The following LAMC3 variants were observed in gnomAD, a reference collection of about 807,000 sequenced individuals.
LAMC3 encodes the protein laminin subunit gamma 3, also known as laminin subunit gamma-3.
Under a neutral mutation model 173.8 loss-of-function variants are expected in LAMC3, and 128 were observed. The observed-to-expected ratio is 0.74, with a 90% CI of 0.64 to 0.85. The LOEUF is 0.85. Among genes scored for constraint, LAMC3 ranks in the 40% least tolerant of loss-of-function variants. The pLI, the probability that LAMC3 is intolerant of heterozygous loss-of-function variation, is 0.00. For synonymous variants in LAMC3, 897 were observed against 909.1 expected (o/e 0.99, Z 0.24); for missense variants, 2,022 against 2,156.0 (o/e 0.94, Z 1.23).
intron 22 of LAMC3, among the ~76,000 whole-genome samples, chr9:131,078,443 C>T (rs1241637741): frequency 1.3e-5 from 2 of 152,130 alleles, no homozygotes; most frequent in Non-Finnish European, 2.9e-5. Context: ...TGAGATTGCG[C>T]CACTGCACTC....
chr9:131,059,062 G>A (rs1294565866), intron 12 of LAMC3, among the ~76,000 whole-genome samples: 1 of 152,052 alleles, frequency 6.6e-6, no homozygotes, highest in Admixed American at 6.5e-5. Flanking sequence ...GCCAGGTGTG[G>A]TTAGGTGCCT....
chr9:131,071,755 G>A lies in LAMC3; in HGVS notation c.3211+130G>A, dbSNP rs190677296. On this transcript the variant is annotated intron_variant, in intron 18 of 27. Coordinates refer to ENST00000361069, the MANE Select transcript of LAMC3 (RefSeq NM_006059.4). ...GTTGCCATGGGCCTTTACTTCCCTA[G>A]CCCACCTGTAACTTTATTAATATCA... 1.6e-4 allele frequency: 139 copies of A among 866,586 alleles called. No homozygotes were observed. In the African/African-American group the frequency reaches 2.2e-3, roughly 14 times the overall value. 53.7% of individuals were successfully genotyped at this position (866,586 alleles called of 1,614,324 possible). A position where few individuals can be genotyped will look rare whatever the true frequency, so the allele number is the denominator to read the frequency against.
chr9:131,081,861 G>C (rs1830248587), intron 23 of LAMC3, among the ~76,000 whole-genome samples, 198 bp from the exon 24 acceptor site: 1 of 152,212 alleles, frequency 6.6e-6, no homozygotes, highest in Admixed American at 6.5e-5. Context: ...TTGTGGACAG[G>C]TATCTCTTGG....
Position 131,052,659 on chromosome 9 carries a change from C to T in LAMC3, c.1799C>T (p.Pro600Leu), listed in dbSNP as rs540108540. The change falls in exon 10 of 28, where the codon CCC becomes CTC. Residue 600 changes from proline to leucine, a missense_variant. Transcript: ENST00000361069. ...TCTGGCCCCCAGGATGCCGGGCATC[C>T]CAGGGAGGTAGAGCTCAGGTTCCAG... is the stretch of plus-strand genomic sequence containing the variant. ...SLSGPQDAGH[P>L]REVELRFHLQ... The T allele has an allele frequency of 1.2e-6, 2 of 1,613,738 alleles. No homozygotes were observed. The highest frequency in any genetic ancestry group is 2.2e-5 in the East Asian group (1 of 44,868).
At chr9:131,061,813 G>A (rs569203640) in intron 13 of LAMC3, among the ~76,000 whole-genome samples, 5 of 152,246 alleles carry the variant, frequency 3.3e-5, no homozygotes, top group East Asian at 1.9e-4. Context: ...ACTTTGGGAA[G>A]CCAAGGTGGG....
In LAMC3 at chr9:131,071,793, A is replaced by T. The variant is rs7875478; in HGVS notation, c.3211+168A>T. On this transcript the variant is annotated intron_variant, in intron 18 of 27. Transcript: ENST00000361069. Reference sequence around the variant, plus strand: ...TTTATTAATATCAGTCCTTGTCACCATGCCTCTGCCCTACTCAGACTCTAA... The same window carrying T: ...TTTATTAATATCAGTCCTTGTCACCTTGCCTCTGCCCTACTCAGACTCTAA... 0.12 allele frequency among the ~76,000 whole-genome samples: 17,504 copies of T among 152,112 alleles called. 1,046 individuals carry two copies. The highest frequency in any genetic ancestry group is 0.16 in the South Asian group (751 of 4,826).
intron 2 of LAMC3, among the ~76,000 whole-genome samples, chr9:131,027,932 G>A (rs993321120): frequency 2.6e-5 from 4 of 152,240 alleles, no homozygotes; most frequent in Admixed American, 6.5e-5. Flanking sequence ...CTGTGTCCAC[G>A]TTGCTGTGTG....
chr9:131,025,103 A>G (rs1833693093), intron 1 of LAMC3, among the ~76,000 whole-genome samples: 1 of 152,096 alleles, frequency 6.6e-6, no homozygotes, highest in East Asian at 1.9e-4. Flanking sequence ...TGTAGAAGCC[A>G]GATACTTCCC....
intron 11 of LAMC3, among the ~76,000 whole-genome samples, chr9:131,053,615 A>G (rs1834341039): frequency 6.6e-6 from 1 of 152,200 alleles, no homozygotes; most frequent in Admixed American, 6.5e-5. Flanking sequence ...CGAGTGGATC[A>G]TGAAGTCGGG....
At position 131,068,190 on chromosome 9, in the gene LAMC3, C is replaced by T; in HGVS notation, c.2706C>T (p.Tyr902=). Residue 902 remains tyrosine, a synonymous_variant, in exon 15 of 28, where the codon TAC becomes TAT. Transcript: ENST00000361069. ...CTGCACGGGACTGCAGCCGCTGCTA[C>T]CCTGGCTTCTTCGACCTCCAGCCTG... is the stretch of plus-strand genomic sequence containing the variant. The part of the protein sequence containing the change: ...HVTARDCSRC[Y]PGFFDLQPGR... 1 of 1,612,782 alleles carries T rather than the reference C, an allele frequency of 6.2e-7. No individual in the cohort carries two copies. The highest frequency in any genetic ancestry group is 1.1e-5 in the South Asian group (1 of 91,084).
intron 25 of LAMC3, among the ~76,000 whole-genome samples, chr9:131,086,740 A>T (rs2133351576): frequency 6.6e-6 from 1 of 151,792 alleles, no homozygotes; most frequent in South Asian, 2.1e-4. Context: ...ATACAAAAAA[A>T]TTAGCCGGGC....
chr9:131,041,362 G>C (rs1834052139), intron 6 of LAMC3, among the ~76,000 whole-genome samples: 1 of 16,118 alleles, frequency 6.2e-5, no homozygotes, highest in East Asian at 1.1e-3. Flanking sequence ...GTGTGACTCT[G>C]TCCCAAAAAA....
In LAMC3 at chr9:131,039,218, G is replaced by T; in HGVS notation, c.1253G>T (p.Gly418Val). 1 of 1,606,864 alleles carries T rather than the reference G, an allele frequency of 6.2e-7. No homozygotes were observed. Among genetic ancestry groups the T allele is most frequent in the Non-Finnish European group, 8.5e-7 (1 of 1,179,976 alleles). ...TGGAAGTGTGACCGCTGTCTGCCCG[G>T]GTTCCACTCGCTCAGTGAGGGAGGC... is the stretch of plus-strand genomic sequence containing the variant. ...TGWKCDRCLPGFHSLSEGGCR... is the reference protein window; with the variant it reads ...TGWKCDRCLPVFHSLSEGGCR... The change falls in exon 6 of 28, where the codon GGG (glycine) becomes GTG (valine). Residue 418 changes from glycine (G) to valine (V), a missense_variant. Gly to Val is a moderately radical substitution (Grantham distance 109, BLOSUM62 -3). Coordinates refer to ENST00000361069, the MANE Select transcript of LAMC3 (RefSeq NM_006059.4).
chr9:131,093,682 T>A lies in LAMC3; in HGVS notation c.*1895T>A, dbSNP rs1038614602. 6.6e-6 allele frequency: 1 copy of A among 152,068 alleles called. No homozygotes were observed. The highest frequency in any genetic ancestry group is 1.5e-5 in the Non-Finnish European group (1 of 68,042). The allele number at this position is 152,068 out of a possible 1,614,324, so 9.4% of individuals were successfully genotyped here. On this transcript the variant is annotated 3_prime_UTR_variant, in exon 28 of 28. Coordinates refer to ENST00000361069, the MANE Select transcript of LAMC3 (RefSeq NM_006059.4). ...CCCTGGAGTAAAAACGGCTGCCACG[T>A]GTTGGAGATAGCCTAGGGAGGGGAG...
chr9:131,037,128 G>A (rs976847163), intron 4 of LAMC3, among the ~76,000 whole-genome samples: 8 of 152,192 alleles, frequency 5.3e-5, no homozygotes, highest in Non-Finnish European at 1.2e-4. Context: ...AGCTGCCCTC[G>A]CTGGCCTGCC....
At chr9:131,013,490 C>G (rs1304813553) in intron 1 of LAMC3, among the ~76,000 whole-genome samples, 2 of 152,144 alleles carry the variant, frequency 1.3e-5, no homozygotes, top group African/African-American at 2.4e-5. Context: ...TAGCCGTTTG[C>G]TTGGTGGTCA....
rs781177649 is a variant in LAMC3, at chr9:131,045,610, C to CGT, written c.1470_1471dup (p.Ser491CysfsTer43). 6 of 1,614,054 alleles carry CGT rather than the reference C, an allele frequency of 3.7e-6. No homozygotes were observed. The highest frequency in any genetic ancestry group is 3.4e-6 in the Non-Finnish European group (4 of 1,180,048). On this transcript the variant is annotated frameshift_variant, in exon 8 of 28. Transcript: ENST00000361069. LOFTEE classifies it high-confidence loss of function. Reference sequence around the variant, plus strand: ...TGCTATGGCCACTCCAAGGTGTGCGCGTCCACTGCCCAGTTCCAGGTGCAT... The same window carrying CGT: ...TGCTATGGCCACTCCAAGGTGTGCGCGTGTCCACTGCCCAGTTCCAGGTGCAT...
chr9:131,039,338 A>T, intron 6 of LAMC3, 90 bp downstream of exon 6: 1 of 1,063,032 alleles, frequency 9.4e-7, no homozygotes, highest in Non-Finnish European at 1.4e-6. Flanking sequence ...TCCCCTCCCC[A>T]TCCCTTCCTG....
At chr9:131,012,653 C>T (rs1227603670) in intron 1 of LAMC3, among the ~76,000 whole-genome samples, 2 of 152,186 alleles carry the variant, frequency 1.3e-5, no homozygotes, top group African/African-American at 2.4e-5. Context: ...TGCATAATAG[C>T]GGGGGAAGGA....
Sources: gnomAD v4.1 joint callset for allele counts (sites outside exome capture counted in the v4.1 genomes callset) on GRCh38, gnomAD v4.1.1 for gene constraint, MANE v1.5 for transcripts, NCBI Gene and HGNC (gene_info 2026-07-23, HGNC 2026-07-21) for gene names.